Variants in DOK5 observed in about 807,000 individuals in gnomAD.
The protein encoded by DOK5 is downstream of tyrosine kinase 5.
In DOK5, 27 loss-of-function variants were observed where a neutral mutation model predicts 43.3. The observed-to-expected ratio is 0.62, with a 90% CI of 0.46 to 0.86. The LOEUF (loss-of-function observed/expected upper bound fraction) is 0.86, where lower values mean the gene tolerates loss of function less well. DOK5 is among the 40% of genes least tolerant of loss of function. The pLI, the probability that DOK5 is intolerant of heterozygous loss-of-function variation, is 0.00. For missense variants in DOK5, 373 were observed against 392.9 expected, an observed-to-expected ratio of 0.95 and a Z score of 0.43; for synonymous variants, 146 against 140.1, an observed-to-expected ratio of 1.04 and a Z score of -0.30.
At chr20:54,584,036 G>A (rs1600717257) in intron 2 of DOK5, among the ~76,000 whole-genome samples, 1 of 151,916 alleles carries the variant, frequency 6.6e-6, no homozygotes, top group East Asian at 1.9e-4. Context: ...TATAGTCTCA[G>A]CTGCTCAGAA....
chr20:54,524,248 G>A (rs145352608), intron 1 of DOK5, among the ~76,000 whole-genome samples: 2 of 152,162 alleles, frequency 1.3e-5, no homozygotes, highest in East Asian at 1.9e-4. Context: ...TGAAGTGAGG[G>A]GCAGCTTAGC....
At chr20:54,578,544 CTGT>C (rs1985530555) in intron 2 of DOK5, among the ~76,000 whole-genome samples, 1 of 152,116 alleles carries the variant, frequency 6.6e-6, no homozygotes, top group African/African-American at 2.4e-5. Context: ...ACTTGGCCTG[CTGT>C]TGTTTTGGCA....
intron 1 of DOK5, among the ~76,000 whole-genome samples, chr20:54,514,140 T>C (rs776077049): frequency 6.6e-6 from 1 of 152,208 alleles, no homozygotes; most frequent in Non-Finnish European, 1.5e-5. Flanking sequence ...CCATCACTGC[T>C]CCAGTTAAGG....
chr20:54,484,849 C>T (rs1399333603), intron 1 of DOK5, among the ~76,000 whole-genome samples: 2 of 152,062 alleles, frequency 1.3e-5, no homozygotes, highest in African/African-American at 2.4e-5. Flanking sequence ...ACTGTCTCTA[C>T]AAAAAATAAA....
At chr20:54,596,276 A>G (rs1352899215) in intron 5 of DOK5, among the ~76,000 whole-genome samples, 1 of 152,246 alleles carries the variant, frequency 6.6e-6, no homozygotes, top group Admixed American at 6.5e-5. Context: ...TATATCAACC[A>G]GTATAATTTT....
At chr20:54,585,947 C>G (rs573704417) in intron 2 of DOK5, among the ~76,000 whole-genome samples, 4 of 152,186 alleles carry the variant, frequency 2.6e-5, no homozygotes, top group Admixed American at 2.0e-4. Flanking sequence ...AATGGTGAAA[C>G]CCTGTCTCTA....
chr20:54,572,164 CTTT>C (rs1203805647), intron 2 of DOK5, among the ~76,000 whole-genome samples: 2 of 143,370 alleles, frequency 1.4e-5, no homozygotes, highest in Non-Finnish European at 3.1e-5. Context: ...TTGCAACATT[CTTT>C]TTTTTTTTTT....
intron 6 of DOK5, among the ~76,000 whole-genome samples, chr20:54,643,206 T>G (rs918421044): frequency 2.6e-4 from 39 of 152,176 alleles, no homozygotes; most frequent in African/African-American, 8.7e-4. Flanking sequence ...CTAGAGGGAC[T>G]TAGCTGGGTT....
intron 7 of DOK5, among the ~76,000 whole-genome samples, chr20:54,647,953 C>T (rs1168345151): frequency 6.6e-6 from 1 of 152,118 alleles, no homozygotes; most frequent in African/African-American, 2.4e-5. Context: ...GGAGACAAGC[C>T]ATATTCAATG....
At chr20:54,647,056 T>G (rs1196771649) in intron 7 of DOK5, among the ~76,000 whole-genome samples, 1 of 152,048 alleles carries the variant, frequency 6.6e-6, no homozygotes, top group African/African-American at 2.4e-5. Flanking sequence ...TTTACTACAG[T>G]TTTTGGTGGG....
At chr20:54,555,292 A>G in intron 2 of DOK5, 1 of 414,496 alleles carries the variant, frequency 2.4e-6, no homozygotes, top group Non-Finnish European at 4.5e-6. Context: ...GGGACTTATC[A>G]TGTTGTTGTA....
At chr20:54,617,635 C>G (rs1430545764) in intron 6 of DOK5, among the ~76,000 whole-genome samples, 1 of 152,150 alleles carries the variant, frequency 6.6e-6, no homozygotes, top group Non-Finnish European at 1.5e-5. Context: ...AGTCTGTTGA[C>G]TAAAAGCAAA....
At chr20:54,644,712 A>AAAAAAAAAAAAAAC (rs1555839792) in intron 7 of DOK5, among the ~76,000 whole-genome samples, 125 of 130,710 alleles carry the variant, frequency 9.6e-4, no homozygotes, top group Non-Finnish European at 1.7e-3. Flanking sequence ...TCTCAAAAAA[A>AAAAAAAAAAAAAAC]AAAAAAAAAA....
intron 1 of DOK5, among the ~76,000 whole-genome samples, chr20:54,519,443 A>G (rs1291355138): frequency 6.6e-6 from 1 of 152,172 alleles, no homozygotes. Context: ...ATTTAAAACC[A>G]TTCTGAAATG....
At chr20:54,535,068 A>T (rs6023345) in intron 1 of DOK5, among the ~76,000 whole-genome samples, 7,015 of 152,092 alleles carry the variant, frequency 0.046, 545 homozygotes, top group African/African-American at 0.16. Flanking sequence ...TCCTGACCTC[A>T]TGATCCACCC....
chr20:54,481,867 C>T (rs1365605597), intron 1 of DOK5, among the ~76,000 whole-genome samples: 3 of 152,162 alleles, frequency 2.0e-5, no homozygotes, highest in East Asian at 1.9e-4. Context: ...TTACTACTCA[C>T]CTAATAGATG....
chr20:54,526,106 C>T (rs1438425835), intron 1 of DOK5, among the ~76,000 whole-genome samples: 1 of 151,886 alleles, frequency 6.6e-6, no homozygotes, highest in Non-Finnish European at 1.5e-5. Flanking sequence ...GATCTCTGGC[C>T]CAGAAGCCTG....
In DOK5 at chr20:54,605,020, T is replaced by G. The variant is rs564667740; in HGVS notation, c.600-5368T>G. ...GTGTCTCAAAAAAAAAAAATATATATATATACACACACACACACACACACA... is the reference window on the plus strand; with the variant it reads ...GTGTCTCAAAAAAAAAAAATATATAGATATACACACACACACACACACACA... On this transcript the variant is annotated intron_variant, in intron 5 of 7. Transcript: ENST00000262593. Among the ~76,000 whole-genome samples the G allele has an allele frequency of 7.8e-4, 76 of 96,992 alleles. 2 individuals carry two copies. Among genetic ancestry groups the G allele is most frequent in the African/African-American group, 3.2e-3 (69 of 21,880 alleles). The allele number at this position is 96,992 out of a possible 152,430, so 63.6% of individuals were successfully genotyped here. A position where few individuals can be genotyped will look rare whatever the true frequency, so the allele number is the denominator to read the frequency against.
intron 6 of DOK5, among the ~76,000 whole-genome samples, chr20:54,625,608 C>T (rs6091935): frequency 0.022 from 3,314 of 152,252 alleles, 129 homozygotes; most frequent in African/African-American, 0.074. Flanking sequence ...TCAGGGTCCT[C>T]GGGCTACTAA....
Sources: allele counts gnomAD v4.1 joint callset (sites outside exome capture counted in the v4.1 genomes callset), GRCh38; gene constraint gnomAD v4.1.1; transcripts MANE v1.5; gene names NCBI Gene and HGNC (gene_info 2026-07-23, HGNC 2026-07-21).